The following CPN1 variants were observed in gnomAD, a reference collection of about 807,000 sequenced individuals.
CPN1 encodes carboxypeptidase N subunit 1.
Under a neutral mutation model 46.4 loss-of-function variants are expected in CPN1, and 37 were observed. The ratio of observed to expected loss-of-function variants is 0.80; its 90% CI spans 0.61 to 1.05. The LOEUF is 1.05. Among genes scored for constraint, CPN1 ranks in the 50% least tolerant of loss-of-function variants. The probability of loss-of-function intolerance (pLI) is 0.00; values close to 1 mark genes in which losing one functional copy is unlikely to be tolerated. For missense variants in CPN1, 563 were observed against 602.6 expected, an observed-to-expected ratio of 0.93 and a Z score of 0.69; for synonymous variants, 224 against 235.4, an observed-to-expected ratio of 0.95 and a Z score of 0.44.
chr10:100,075,926 C>T lies in CPN1; in HGVS notation c.405G>A (p.Glu135=). 2.5e-6 allele frequency: 4 copies of T among 1,614,114 alleles called. No individual in the cohort carries two copies. Among genetic ancestry groups the T allele is most frequent in the Non-Finnish European group, 3.4e-6 (4 of 1,180,050 alleles). ...GACCTCGTACCTGGGCAGCAGCCACCTCGTAGCCGTCGGGGTTCATGGATG... is the reference window on the plus strand; with the variant it reads ...GACCTCGTACCTGGGCAGCAGCCACTTCGTAGCCGTCGGGGTTCATGGATG... ...ILPSMNPDGY[E]VAAAQGPNKP... Residue 135 remains glutamate, a synonymous_variant, in exon 2 of 9, where the codon GAG becomes GAA. Transcript: ENST00000370418.
chr10:100,078,622 C>G (rs2041528194), intron 1 of CPN1, among the ~76,000 whole-genome samples: 1 of 152,182 alleles, frequency 6.6e-6, no homozygotes, highest in South Asian at 2.1e-4. Context: ...CCAGCAAAAG[C>G]AGCCATGGAC....
chr10:100,079,981 G>A (rs1389019020), intron 1 of CPN1, among the ~76,000 whole-genome samples: 1 of 152,108 alleles, frequency 6.6e-6, no homozygotes, highest in Non-Finnish European at 1.5e-5. Context: ...AGCTACTTGG[G>A]AGGCTGAGGC....
chr10:100,059,924 T>A (rs750989134), intron 5 of CPN1, among the ~76,000 whole-genome samples: 1 of 152,186 alleles, frequency 6.6e-6, no homozygotes, highest in Non-Finnish European at 1.5e-5. Context: ...AGTAAGGAAA[T>A]TCTGACAAAC....
chr10:100,058,443 C>T (rs1006657603), intron 5 of CPN1, among the ~76,000 whole-genome samples: 3 of 152,108 alleles, frequency 2.0e-5, no homozygotes, highest in African/African-American at 7.2e-5. Flanking sequence ...CAGAAGACAG[C>T]TATATTTTCT....
chr10:100,044,088 CACTG>C (rs1172719254), intron 8 of CPN1, among the ~76,000 whole-genome samples: 2 of 152,056 alleles, frequency 1.3e-5, no homozygotes, highest in Non-Finnish European at 2.9e-5. Context: ...AAAAACATGT[CACTG>C]ACTAAGAGGC....
chr10:100,051,005 A>G (rs2041348745), intron 7 of CPN1, among the ~76,000 whole-genome samples: 1 of 152,156 alleles, frequency 6.6e-6, no homozygotes, highest in Non-Finnish European at 1.5e-5. Context: ...AGCCTGGGCG[A>G]CAGAGCGAGA....
At chr10:100,057,336 C>T (rs901843802) in intron 5 of CPN1, among the ~76,000 whole-genome samples, 184 bp from the exon 6 acceptor site, 8 of 152,024 alleles carry the variant, frequency 5.3e-5, no homozygotes, top group Non-Finnish European at 1.2e-4. Context: ...ATAATATGTA[C>T]ATATTCATGG....
chr10:100,046,655 C>T (rs1013529639), intron 8 of CPN1, among the ~76,000 whole-genome samples: 3 of 151,932 alleles, frequency 2.0e-5, no homozygotes, highest in African/African-American at 7.3e-5. Context: ...TGCCTGTAGT[C>T]CCAGCTACTT....
chr10:100,075,228 C>A (rs115622576), intron 2 of CPN1, among the ~76,000 whole-genome samples: 34 of 152,148 alleles, frequency 2.2e-4, no homozygotes, highest in African/African-American at 7.7e-4. Flanking sequence ...AGGCAGAAAT[C>A]GCAGTGAGCC....
At chr10:100,045,977 C>A (rs1471448214) in intron 8 of CPN1, among the ~76,000 whole-genome samples, 1 of 152,158 alleles carries the variant, frequency 6.6e-6, no homozygotes, top group African/African-American at 2.4e-5. Flanking sequence ...ATTTTGTCCT[C>A]ATTTGAGAAA....
chr10:100,047,940 C>T (rs1299686600), intron 8 of CPN1, among the ~76,000 whole-genome samples: 2 of 151,970 alleles, frequency 1.3e-5, no homozygotes, highest in African/African-American at 4.8e-5. Context: ...TGCGGTGAGC[C>T]GAGATCATGC....
intron 5 of CPN1, among the ~76,000 whole-genome samples, chr10:100,057,378 G>A (rs1021690872): frequency 6.6e-6 from 1 of 152,178 alleles, no homozygotes; most frequent in African/African-American, 2.4e-5. Flanking sequence ...ATAGACACAT[G>A]TATAGTGATT....
At chr10:100,049,740 T>G (rs1384543497) in intron 7 of CPN1, among the ~76,000 whole-genome samples, 1 of 152,150 alleles carries the variant, frequency 6.6e-6, no homozygotes, top group Non-Finnish European at 1.5e-5. Flanking sequence ...CTAGTAAAGA[T>G]TTAAATCATT....
At chr10:100,066,211 A>G (rs1229435809) in intron 3 of CPN1, among the ~76,000 whole-genome samples, 3 of 152,138 alleles carry the variant, frequency 2.0e-5, no homozygotes, top group Non-Finnish European at 4.4e-5. Context: ...TCCACCTCCC[A>G]AAGTGTTGGG....
At chr10:100,080,718 C>T (rs1473022917) in intron 1 of CPN1, among the ~76,000 whole-genome samples, 1 of 151,994 alleles carries the variant, frequency 6.6e-6, no homozygotes, top group Admixed American at 6.6e-5. Flanking sequence ...CATGATGAAA[C>T]CCTGTCTCTA....
intron 5 of CPN1, among the ~76,000 whole-genome samples, chr10:100,060,915 G>A (rs2041413065): frequency 1.3e-5 from 2 of 152,012 alleles, no homozygotes; most frequent in African/African-American, 2.4e-5. Context: ...TATACACAAT[G>A]GAGTACTATT....
chr10:100,052,050 A>G (rs1589471396), intron 7 of CPN1, among the ~76,000 whole-genome samples: 1 of 150,784 alleles, frequency 6.6e-6, no homozygotes, highest in East Asian at 1.9e-4. Context: ...CTGGGACTAC[A>G]GACCACACCA....
At chr10:100,070,328 C>T (rs1042742862) in intron 2 of CPN1, among the ~76,000 whole-genome samples, 1 of 151,664 alleles carries the variant, frequency 6.6e-6, no homozygotes, top group African/African-American at 2.4e-5. Context: ...CTAAAAAATA[C>T]AAAAATTAGC....
intron 2 of CPN1, among the ~76,000 whole-genome samples, chr10:100,070,162 A>T (rs2041476353): frequency 6.6e-6 from 1 of 151,668 alleles, no homozygotes; most frequent in Non-Finnish European, 1.5e-5. Context: ...TCCTGGGCTC[A>T]AGTGATCCAC....
Sources: gnomAD v4.1 joint callset for allele counts (sites outside exome capture counted in the v4.1 genomes callset) on GRCh38, gnomAD v4.1.1 for gene constraint, MANE v1.5 for transcripts, NCBI Gene and HGNC (gene_info 2026-07-23, HGNC 2026-07-21) for gene names.